PDE4D: variants seen among roughly 807,000 people sequenced by gnomAD.
The protein encoded by PDE4D is phosphodiesterase 4D, also known as 3',5'-cyclic-AMP phosphodiesterase 4D.
PDE4D carries 24 observed loss-of-function variants against 87.4 expected under a neutral mutation model. The observed-to-expected ratio is 0.27, with a 90% CI of 0.20 to 0.39. The LOEUF is 0.39. Ranked by LOEUF, PDE4D falls within the 10% of genes least tolerant of loss-of-function variation. The pLI, the probability that PDE4D is intolerant of heterozygous loss-of-function variation, is 1.00. For synonymous variants in PDE4D, 384 were observed against 383.2 expected (o/e 1.00, Z -0.02); for missense variants, 714 against 1,041.0 (o/e 0.69, Z 4.32).
intron 1 of PDE4D, among the ~76,000 whole-genome samples, chr5:60,415,471 G>A (rs1226595112): frequency 6.6e-6 from 1 of 152,236 alleles, no homozygotes; most frequent in Non-Finnish European, 1.5e-5. Context: ...GGTGCAGGCG[G>A]GAACCGGGGC....
intron 2 of PDE4D, among the ~76,000 whole-genome samples, chr5:60,039,252 C>A (rs1220189947): frequency 6.6e-6 from 1 of 152,064 alleles, no homozygotes; most frequent in African/African-American, 2.4e-5. Flanking sequence ...CAATACTATG[C>A]AGCCATAAAA....
chr5:59,333,264 T>TC (rs1185908611), intron 1 of PDE4D, among the ~76,000 whole-genome samples: 2 of 152,122 alleles, frequency 1.3e-5, no homozygotes, highest in African/African-American at 4.8e-5. Context: ...ATCTCTGTTA[T>TC]CTTCTTTTTT....
intron 1 of PDE4D, among the ~76,000 whole-genome samples, chr5:59,264,146 T>C (rs879573124): frequency 3.3e-5 from 5 of 151,976 alleles, no homozygotes; most frequent in Non-Finnish European, 5.9e-5. Flanking sequence ...ATCAAGGCCA[T>C]TTAAATGGCA....
intron 2 of PDE4D, among the ~76,000 whole-genome samples, chr5:59,996,370 C>T (rs940101538): frequency 3.3e-5 from 5 of 152,122 alleles, no homozygotes; most frequent in Admixed American, 3.3e-4. Context: ...AGTAAAGTTT[C>T]CCTGTACCTA....
chr5:59,351,308 G>A (rs757730130), intron 1 of PDE4D, among the ~76,000 whole-genome samples: 36 of 152,228 alleles, frequency 2.4e-4, no homozygotes, highest in Middle Eastern at 3.4e-3. Context: ...CCTATACCAT[G>A]CTACCTCTTC....
chr5:59,196,393 A>G (rs1349786568), intron 2 of PDE4D, among the ~76,000 whole-genome samples: 2 of 152,218 alleles, frequency 1.3e-5, no homozygotes, highest in Non-Finnish European at 2.9e-5. Flanking sequence ...AAATGGCCCA[A>G]TAAATGCAAA....
chr5:60,050,211 C>T (rs546575920), intron 2 of PDE4D, among the ~76,000 whole-genome samples: 37 of 152,260 alleles, frequency 2.4e-4, no homozygotes, highest in African/African-American at 8.2e-4. Flanking sequence ...CAATGCCTCA[C>T]CCTGCTTCGG....
chr5:59,604,878 A>G (rs1473706968), intron 1 of PDE4D, among the ~76,000 whole-genome samples: 1 of 152,074 alleles, frequency 6.6e-6, no homozygotes, highest in Non-Finnish European at 1.5e-5. Flanking sequence ...TAAACCATAC[A>G]TACCATTTCA....
intron 1 of PDE4D, among the ~76,000 whole-genome samples, chr5:59,453,837 A>C (rs1216693404): frequency 2.6e-5 from 4 of 152,240 alleles, no homozygotes; most frequent in Non-Finnish European, 2.9e-5. Context: ...TAAACAACAA[A>C]TTTCAAATGT....
At chr5:59,594,705 G>A (rs530595503) in intron 1 of PDE4D, among the ~76,000 whole-genome samples, 1 of 152,050 alleles carries the variant, frequency 6.6e-6, no homozygotes, top group Non-Finnish European at 1.5e-5. Context: ...ACAATGCATA[G>A]TTAAAGGCAA....
At chr5:59,257,221 G>A (rs1043722707) in intron 1 of PDE4D, among the ~76,000 whole-genome samples, 1 of 152,002 alleles carries the variant, frequency 6.6e-6, no homozygotes. Flanking sequence ...AATGATCGTG[G>A]CAATGATGTG....
At chr5:60,457,122 C>T (rs1282328810) in intron 1 of PDE4D, among the ~76,000 whole-genome samples, 7 of 152,118 alleles carry the variant, frequency 4.6e-5, no homozygotes, top group Admixed American at 4.6e-4. Flanking sequence ...GAGAGACCAC[C>T]ACATATAGAC....
intron 1 of PDE4D, among the ~76,000 whole-genome samples, chr5:59,718,379 A>G (rs1485622486): frequency 6.6e-6 from 1 of 152,198 alleles, no homozygotes; most frequent in Non-Finnish European, 1.5e-5. Flanking sequence ...AGGAACCTCT[A>G]GTAAGCTGGT....
At chr5:60,491,461 ATAT>A (rs1749528344), upstream of PDE4D, 1 of 152,186 alleles carries the variant, frequency 6.6e-6, no homozygotes, top group South Asian at 2.1e-4. Flanking sequence ...ATATGAAATC[ATAT>A]TAATAATGCA....
intron 1 of PDE4D, among the ~76,000 whole-genome samples, chr5:59,291,880 C>T (rs1222405345): frequency 6.7e-6 from 1 of 149,858 alleles, no homozygotes; most frequent in Non-Finnish European, 1.5e-5. Context: ...GCAGTGAATG[C>T]TAAAAAAATA....
intron 2 of PDE4D, among the ~76,000 whole-genome samples, chr5:60,096,172 C>T (rs1394982955): frequency 6.6e-6 from 1 of 152,092 alleles, no homozygotes; most frequent in Non-Finnish European, 1.5e-5. Context: ...TTTGCCCATG[C>T]TTGTGTCCTG....
At chr5:60,017,672 A>G (rs1247210001) in intron 2 of PDE4D, among the ~76,000 whole-genome samples, 1 of 152,136 alleles carries the variant, frequency 6.6e-6, no homozygotes, top group African/African-American at 2.4e-5. Context: ...TATATGTACC[A>G]TATTTTCTTT....
At chr5:59,276,253 C>A in intron 1 of PDE4D, 1 of 400,582 alleles carries the variant, frequency 2.5e-6, no homozygotes, top group Non-Finnish European at 3.4e-6. Context: ...GACAAGAGAC[C>A]TCACAAAACT....
At chr5:59,350,325 C>T (rs1780314341) in intron 1 of PDE4D, among the ~76,000 whole-genome samples, 1 of 152,052 alleles carries the variant, frequency 6.6e-6, no homozygotes, top group Non-Finnish European at 1.5e-5. Flanking sequence ...AGGGGTGGGA[C>T]ATTGGAACAA....
Sources: gnomAD v4.1 joint callset for allele counts (sites outside exome capture counted in the v4.1 genomes callset) on GRCh38, gnomAD v4.1.1 for gene constraint, MANE v1.5 for transcripts, NCBI Gene and HGNC (gene_info 2026-07-23, HGNC 2026-07-21) for gene names.